The following BBS9 variants were observed in gnomAD, a reference collection of about 807,000 sequenced individuals.
BBS9 encodes the protein protein PTHB1.
In BBS9, 89 loss-of-function variants were observed where a neutral mutation model predicts 117.7. The observed-to-expected ratio is 0.76, with a 90% CI of 0.64 to 0.90. The LOEUF is 0.90. Among genes scored for constraint, BBS9 ranks in the 40% least tolerant of loss-of-function variants. The pLI, the probability that BBS9 is intolerant of heterozygous loss-of-function variation, is 0.00. For synonymous variants in BBS9, 379 were observed against 370.9 expected (o/e 1.02, Z -0.25); for missense variants, 982 against 1,042.2 (o/e 0.94, Z 0.80).
intron 21 of BBS9, among the ~76,000 whole-genome samples, chr7:33,621,992 A>T (rs1473812566): frequency 6.6e-6 from 1 of 152,084 alleles, no homozygotes; most frequent in East Asian, 1.9e-4. Context: ...GAGGGATCAC[A>T]TGAGGTTAGG....
At chr7:33,284,492 T>G (rs6946608) in intron 9 of BBS9, among the ~76,000 whole-genome samples, 48,130 of 151,992 alleles carry the variant, frequency 0.32, 8,112 homozygotes, top group Admixed American at 0.43. Context: ...AATGCCACAC[T>G]TGCCACCATA....
chr7:33,588,371 T>C (rs1366688551), intron 21 of BBS9, among the ~76,000 whole-genome samples: 1 of 152,168 alleles, frequency 6.6e-6, no homozygotes, highest in Non-Finnish European at 1.5e-5. Context: ...AAAAGGCAGA[T>C]AATACTATGT....
At chr7:33,428,379 A>T (rs1455105842) in intron 19 of BBS9, among the ~76,000 whole-genome samples, 1 of 152,096 alleles carries the variant, frequency 6.6e-6, no homozygotes, top group Non-Finnish European at 1.5e-5. Flanking sequence ...AGGTAGACCC[A>T]CCCTTATTGA....
At chr7:33,375,478 C>G (rs1278686816) in intron 17 of BBS9, among the ~76,000 whole-genome samples, 1 of 151,798 alleles carries the variant, frequency 6.6e-6, no homozygotes, top group Non-Finnish European at 1.5e-5. Context: ...CAAAATAATA[C>G]TTTATAAATC....
rs35669997 is a variant in BBS9, at chr7:33,386,455, CATTTATTTATTTATTT to C, written c.1963-1500_1963-1485del. The stretch of plus-strand genomic sequence containing the variant: ...CCTGTGACTTTGACTAGCTTGCTTT[CATTTATTTATTTATTT>C]ATTTATTTATTTATTTATTTATTTA... On this transcript the variant is annotated intron_variant, in intron 18 of 22. Transcript: ENST00000242067. Among the ~76,000 whole-genome samples, 793 of 138,342 alleles carry C rather than the reference CATTTATTTATTTATTT, an allele frequency of 5.7e-3. 6 individuals carry two copies. Among genetic ancestry groups the C allele is most frequent in the Middle Eastern group, 0.011 (3 of 262 alleles). 90.8% of individuals were successfully genotyped at this position (138,342 alleles called of 152,430 possible).
chr7:33,409,411 G>C (rs547113230), intron 19 of BBS9, among the ~76,000 whole-genome samples: 2 of 152,202 alleles, frequency 1.3e-5, no homozygotes, highest in Admixed American at 1.3e-4. Flanking sequence ...CATTGAATAG[G>C]GAGTCTCTTC....
At chr7:33,309,015 A>G (rs1584245578) in intron 9 of BBS9, among the ~76,000 whole-genome samples, 1 of 152,198 alleles carries the variant, frequency 6.6e-6, no homozygotes, top group African/African-American at 2.4e-5. Context: ...TGGTTCATTT[A>G]TTAGTTATGA....
downstream of BBS9, among the ~76,000 whole-genome samples, chr7:33,608,398 A>G (rs948980310): frequency 6.6e-6 from 1 of 152,096 alleles, no homozygotes; most frequent in Non-Finnish European, 1.5e-5. Context: ...TTTTGGATAT[A>G]TACTCAGTAG....
At chr7:33,163,252 C>T (rs541611645) in intron 4 of BBS9, among the ~76,000 whole-genome samples, 83 of 152,078 alleles carry the variant, frequency 5.5e-4, no homozygotes, top group Non-Finnish European at 1.0e-3. Context: ...TGAGGATTTT[C>T]GTGTCAGTGT....
At chr7:33,486,172 G>T (rs930586728) in intron 19 of BBS9, among the ~76,000 whole-genome samples, 3 of 151,942 alleles carry the variant, frequency 2.0e-5, no homozygotes, top group African/African-American at 4.8e-5. Flanking sequence ...TTTTCCCTCA[G>T]TCTAAACAAT....
At chr7:33,436,210 A>G (rs1835284474) in intron 19 of BBS9, among the ~76,000 whole-genome samples, 1 of 151,944 alleles carries the variant, frequency 6.6e-6, no homozygotes, top group African/African-American at 2.4e-5. Context: ...CTACTTAAGG[A>G]CTCCCTGAAT....
At chr7:33,417,754 C>T (rs1452529095) in intron 19 of BBS9, among the ~76,000 whole-genome samples, 1 of 152,156 alleles carries the variant, frequency 6.6e-6, no homozygotes, top group Non-Finnish European at 1.5e-5. Context: ...AGTCTTAGTA[C>T]CATTTTCTCT....
chr7:33,491,710 G>A (rs1843921049), intron 19 of BBS9, among the ~76,000 whole-genome samples: 1 of 152,120 alleles, frequency 6.6e-6, no homozygotes, highest in Non-Finnish European at 1.5e-5. Context: ...GACACACAGG[G>A]TGCTTTGAGA....
At chr7:33,370,484 T>A (rs984762906) in intron 17 of BBS9, among the ~76,000 whole-genome samples, 6 of 151,828 alleles carry the variant, frequency 4.0e-5, no homozygotes, top group Non-Finnish European at 8.8e-5. Context: ...AAAAAAGTAG[T>A]GCTTAAATTT....
At chr7:33,481,804 A>G (rs1057474916) in intron 19 of BBS9, among the ~76,000 whole-genome samples, 2 of 152,154 alleles carry the variant, frequency 1.3e-5, no homozygotes, top group Non-Finnish European at 2.9e-5. Context: ...AAATATAGGG[A>G]GATATTTTAA....
chr7:33,541,166 C>T (rs1337966206), intron 21 of BBS9, among the ~76,000 whole-genome samples: 3 of 152,094 alleles, frequency 2.0e-5, no homozygotes, highest in African/African-American at 7.2e-5. Context: ...CATGTCTCCA[C>T]CAATACTCCT....
intron 17 of BBS9, among the ~76,000 whole-genome samples, chr7:33,373,021 T>G (rs1184165291): frequency 2.0e-5 from 3 of 152,154 alleles, no homozygotes; most frequent in African/African-American, 7.2e-5. Context: ...TATTTGAGTC[T>G]TCCTTCTTTT....
At chr7:33,289,201 A>G (rs1295314133) in intron 9 of BBS9, among the ~76,000 whole-genome samples, 1 of 152,176 alleles carries the variant, frequency 6.6e-6, no homozygotes, top group African/African-American at 2.4e-5. Context: ...CAGAAAGTGG[A>G]AGCCTAAAAC....
chr7:33,303,601 C>T (rs1462414356), intron 9 of BBS9, among the ~76,000 whole-genome samples: 1 of 145,758 alleles, frequency 6.9e-6, no homozygotes, highest in Admixed American at 7.1e-5. Context: ...TCGCTGCAAC[C>T]TCCCTGCCTC....
Sources: allele counts gnomAD v4.1 joint callset (sites outside exome capture counted in the v4.1 genomes callset), GRCh38; gene constraint gnomAD v4.1.1; transcripts MANE v1.5; gene names NCBI Gene and HGNC (gene_info 2026-07-23, HGNC 2026-07-21).